The following CRYBG3 variants were observed in gnomAD, a reference collection of about 807,000 sequenced individuals.
CRYBG3 encodes the protein crystallin beta-gamma domain containing 3.
CRYBG3 carries 127 observed loss-of-function variants against 244.2 expected under a neutral mutation model. The ratio of observed to expected loss-of-function variants is 0.52; its 90% confidence interval spans 0.45 to 0.60. The LOEUF is 0.60. Ranked by LOEUF, CRYBG3 falls within the 20% of genes least tolerant of loss-of-function variation. The pLI, the probability that CRYBG3 is intolerant of heterozygous loss-of-function variation, is 0.00. For synonymous variants in CRYBG3, 1,132 were observed against 1,195.8 expected, an observed-to-expected ratio of 0.95 and a Z score of 1.10; for missense variants, 3,325 against 3,442.5, an observed-to-expected ratio of 0.97 and a Z score of 0.85.
At chr3:97,906,950 C>T in intron 15 of CRYBG3, among the ~76,000 whole-genome samples, 1 of 148,710 alleles carries the variant, frequency 6.7e-6, no homozygotes, top group African/African-American at 2.5e-5. Context: ...GAGTTTTTAG[C>T]ATGAAGGGTT....
chr3:97,863,996 G>A (rs557601844), intron 2 of CRYBG3, among the ~76,000 whole-genome samples: 14 of 152,212 alleles, frequency 9.2e-5, no homozygotes, highest in African/African-American at 2.9e-4. Context: ...GCTCCCATGT[G>A]TGCAGTACTT....
chr3:97,872,154 C>T lies in CRYBG3; in HGVS notation c.960C>T (p.Asn320=). The stretch of plus-strand genomic sequence containing the variant: ...ACAAGGAAAATTCTTTGACAAATAA[C>T]CCAGAACTGCAGAATATTGCCTCTT... The part of the protein sequence containing the change: ...SFNKENSLTN[N]PELQNIASSN... The change falls in exon 4 of 22, where the codon AAC becomes AAT. Residue 320 remains asparagine (N), a synonymous_variant. Coordinates refer to ENST00000389622, the MANE Select transcript of CRYBG3 (RefSeq NM_153605.4). 6.5e-7 allele frequency: 1 copy of T among 1,535,896 alleles called. No homozygotes were observed. The highest frequency in any genetic ancestry group is 8.7e-7 in the Non-Finnish European group (1 of 1,146,752).
chr3:97,874,109 A>T lies in CRYBG3; in HGVS notation c.2915A>T (p.Asp972Val), dbSNP rs1014299813. Residue 972 changes from aspartate (D) to valine (V), a missense_variant, in exon 4 of 22, where the codon GAT becomes GTT. By Grantham distance (152) the Asp-to-Val change is radical (BLOSUM62 -3). This residue lies in a region of CRYBG3 where 1,526 missense variants were observed against 1,443.2 expected (regional missense o/e 1.06). Coordinates refer to ENST00000389622, the MANE Select transcript of CRYBG3 (RefSeq NM_153605.4). Reference protein sequence around the residue: ...AHTCVFHQSLDICGTKKISGH... With the variant: ...AHTCVFHQSLVICGTKKISGH... ...ACTTGTGTGTTTCATCAATCTTTGG[A>T]TATTTGTGGGACTAAAAAGATTTCT... 2 of 1,535,438 alleles carry T rather than the reference A, an allele frequency of 1.3e-6. No individual in the cohort carries two copies. Among genetic ancestry groups the T allele is most frequent in the Admixed American group, 2.0e-5 (1 of 50,864 alleles).
At chr3:97,837,016 A>T (rs2038743783) in intron 1 of CRYBG3, 1 of 152,136 alleles carries the variant, frequency 6.6e-6, no homozygotes, top group African/African-American at 2.4e-5. Context: ...TAATTTACAT[A>T]GTTGTAAAAT....
chr3:97,933,911 T>C (rs1234325147), intron 18 of CRYBG3, 78 bp downstream of exon 18: 10 of 1,255,516 alleles, frequency 8.0e-6, no homozygotes, highest in African/African-American at 1.5e-5. Flanking sequence ...CCAAGTCCAC[T>C]GTGTAGTAGT....
chr3:97,899,563 T>A (rs549912707), intron 14 of CRYBG3, among the ~76,000 whole-genome samples: 1 of 152,312 alleles, frequency 6.6e-6, no homozygotes, highest in African/African-American at 2.4e-5. Flanking sequence ...GTCCTGATGG[T>A]TCTGTCTCCC....
chr3:97,863,475 A>G (rs920612508), intron 2 of CRYBG3, among the ~76,000 whole-genome samples: 4 of 152,106 alleles, frequency 2.6e-5, no homozygotes, highest in Admixed American at 6.6e-5. Flanking sequence ...AATGCTATCC[A>G]TGGTTTGAAT....
intron 20 of CRYBG3, chr3:97,941,962 A>G (rs2040240349): frequency 5.5e-6 from 1 of 181,762 alleles, no homozygotes; most frequent in Non-Finnish European, 1.1e-5. Context: ...CAAGCTCAAC[A>G]TAATACGTTT....
At position 97,943,339 on chromosome 3, in the gene CRYBG3, C is replaced by T. The variant is rs766806960; in HGVS notation, c.*25C>T. On this transcript the variant is annotated 3_prime_UTR_variant, in exon 22 of 22. Coordinates refer to ENST00000389622, the MANE Select transcript of CRYBG3 (RefSeq NM_153605.4). ...AGAGAATCAACATCCCTAGAAAGAT[C>T]CCTAGAAAGAGCAAAGAAGGAAACA... 2 of 1,331,898 alleles carry T rather than the reference C, an allele frequency of 1.5e-6. No homozygotes were observed. Among genetic ancestry groups the T allele is most frequent in the Admixed American group, 3.5e-5 (2 of 57,566 alleles). 82.5% of individuals were successfully genotyped at this position (1,331,898 alleles called of 1,614,324 possible). A position where few individuals can be genotyped will look rare whatever the true frequency, so the allele number is the denominator to read the frequency against.
chr3:97,902,826 C>CT (rs1182962440), intron 15 of CRYBG3, among the ~76,000 whole-genome samples: 2 of 152,078 alleles, frequency 1.3e-5, no homozygotes, highest in African/African-American at 4.8e-5. Context: ...TAGCAAGTGA[C>CT]TTTTTTTAAT....
rs569935278 is a variant in CRYBG3 at position 97,877,802 on chromosome 3, C to T, written c.6608C>T (p.Pro2203Leu). The T allele has an allele frequency of 6.2e-7, 1 of 1,614,016 alleles. No individual in the cohort carries two copies. The highest frequency in any genetic ancestry group is 1.1e-5 in the South Asian group (1 of 91,066). ...SKNSYVMPNEPTTSNLQVGLW... is the reference protein window; with the variant it reads ...SKNSYVMPNELTTSNLQVGLW... The stretch of plus-strand genomic sequence containing the variant: ...AATTCATATGTGATGCCAAATGAAC[C>T]TACTACCTCCAATCTGCAAGTTGGT... Residue 2203 changes from proline to leucine, a missense_variant, in exon 4 of 22, where the codon CCT becomes CTT. Pro to Leu is a moderately conservative substitution (Grantham distance 98). Coordinates refer to ENST00000389622, the MANE Select transcript of CRYBG3 (RefSeq NM_153605.4).
At chr3:97,902,411 T>A (rs1014965641) in intron 15 of CRYBG3, among the ~76,000 whole-genome samples, 1 of 152,158 alleles carries the variant, frequency 6.6e-6, no homozygotes, top group Non-Finnish European at 1.5e-5. Flanking sequence ...GGAACATCAC[T>A]TTTTATTTTT....
chr3:97,836,648 T>G (rs1410300231), intron 1 of CRYBG3, among the ~76,000 whole-genome samples: 2 of 152,166 alleles, frequency 1.3e-5, no homozygotes, highest in African/African-American at 4.8e-5. Context: ...AAGGGTAATG[T>G]AGATCCCATG....
chr3:97,869,295 A>G (rs1310697697), intron 3 of CRYBG3, among the ~76,000 whole-genome samples: 1 of 152,158 alleles, frequency 6.6e-6, no homozygotes, highest in Non-Finnish European at 1.5e-5. Context: ...TTATTATCAT[A>G]TAGCTTACTT....
chr3:97,876,601 C>T lies in CRYBG3; in HGVS notation c.5407C>T (p.Pro1803Ser), dbSNP rs1395227987. The T allele has an allele frequency of 1.6e-6, 2 of 1,233,338 alleles. No individual in the cohort carries two copies. Among genetic ancestry groups the T allele is most frequent in the African/African-American group, 3.1e-5 (2 of 64,396 alleles). The allele number at this position is 1,233,338 out of a possible 1,614,324, so 76.4% of individuals were successfully genotyped here. ...GGTCATTAAGAATACTGAAATAGTA[C>T]CGTGTGTGTTAAAAGTGAAGGAAGC... ...EEVIKNTEIV[P>S]CVLKVKEAHE... The change falls in exon 4 of 22, where the codon CCG becomes TCG. Residue 1803 changes from proline (P) to serine (S), a missense_variant. Physicochemically the swap from Pro to Ser is moderately conservative, Grantham distance 74. Coordinates refer to ENST00000389622, the MANE Select transcript of CRYBG3 (RefSeq NM_153605.4).
At position 97,878,005 on chromosome 3, in the gene CRYBG3, G is replaced by A. The variant is rs745385703; in HGVS notation, c.6811G>A (p.Asp2271Asn). ...EPVSKYFRVQ[D>N]SPGRLSPFIE... ...AGTGTCAAAATATTTCCGTGTTCAA[G>A]ACAGCCCAGGCAGATTGAGCCCATT... Residue 2271 changes from aspartate to asparagine, a missense_variant, in exon 4 of 22, where the codon GAC becomes AAC. By Grantham distance (23) the Asp-to-Asn change is conservative. Coordinates refer to ENST00000389622, the MANE Select transcript of CRYBG3 (RefSeq NM_153605.4). The A allele has an allele frequency of 5.6e-6, 9 of 1,613,702 alleles. No homozygotes were observed. Among genetic ancestry groups the A allele is most frequent in the Admixed American group, 1.7e-5 (1 of 59,956 alleles).
intron 11 of CRYBG3, among the ~76,000 whole-genome samples, chr3:97,893,333 C>A (rs987061364): frequency 1.3e-5 from 2 of 152,212 alleles, no homozygotes; most frequent in African/African-American, 4.8e-5. Context: ...TTTTGTTGAT[C>A]ATACTTGACT....
At chr3:97,861,562 A>C (rs2039148838) in intron 2 of CRYBG3, among the ~76,000 whole-genome samples, 3 of 152,174 alleles carry the variant, frequency 2.0e-5, no homozygotes, top group Admixed American at 2.0e-4. Flanking sequence ...TGAGGGAAAA[A>C]CATTGAAAAT....
In CRYBG3 at chr3:97,892,924, C is replaced by A. The variant is rs202196927; in HGVS notation, c.7505C>A (p.Ser2502Tyr). Residue 2502 changes from serine (S) to tyrosine (Y), a missense_variant, in exon 11 of 22, where the codon TCT becomes TAT. Physicochemically the swap from Ser to Tyr is moderately radical, Grantham distance 144. Coordinates refer to ENST00000389622, the MANE Select transcript of CRYBG3 (RefSeq NM_153605.4). The stretch of plus-strand genomic sequence containing the variant: ...AAAGAGTTTAGTGAACATATAGATT[C>A]TGTTCCTAATTTTTTGAAAAATAAT... Reference protein sequence around the residue: ...QAKEFSEHIDSVPNFLKNNGD... With the variant: ...QAKEFSEHIDYVPNFLKNNGD... The A allele has an allele frequency of 7.3e-5, 116 of 1,586,774 alleles. 1 individual carries two copies. Among genetic ancestry groups the A allele is most frequent in the Middle Eastern group, 6.7e-4 (4 of 5,984 alleles).
Sources: gnomAD v4.1 joint callset for allele counts (sites outside exome capture counted in the v4.1 genomes callset) on GRCh38, gnomAD v4.1.1 for gene constraint, gnomAD v4.1.1 regional missense constraint, MANE v1.5 for transcripts, NCBI Gene and HGNC (gene_info 2026-07-23, HGNC 2026-07-21) for gene names.